The following WDR19 variants were observed in gnomAD, a reference collection of about 807,000 sequenced individuals.
WDR19 encodes WD repeat domain 19.
WDR19 carries 121 observed loss-of-function variants against 180.0 expected under a neutral mutation model. The ratio of observed to expected loss-of-function variants is 0.67; its 90% CI spans 0.58 to 0.78. The LOEUF is 0.78. Ranked by LOEUF, WDR19 falls within the 30% of genes least tolerant of loss-of-function variation. The pLI is 0.00. For synonymous variants in WDR19, 497 were observed against 540.7 expected (o/e 0.92, Z 1.12); for missense variants, 1,450 against 1,640.7 (o/e 0.88, Z 2.01).
At chr4:39,213,575 C>G (rs537787748) in intron 9 of WDR19, among the ~76,000 whole-genome samples, 1 of 152,184 alleles carries the variant, frequency 6.6e-6, no homozygotes, top group Admixed American at 6.5e-5. Flanking sequence ...AGAGATGGAG[C>G]TGGGGTCAGA....
In WDR19 at chr4:39,244,508, C is replaced by G. The variant is rs758936615; in HGVS notation, c.2601C>G (p.Leu867=). ...CGGCCCAACTGTATGAAAAAGGTCT[C>G]TACTACGATAAAGCAGCATCTGTTT... The part of the protein sequence containing the change: ...SEAAQLYEKG[L]YYDKAASVYI... Residue 867 remains leucine, a synonymous_variant, in exon 23 of 37, where the codon CTC becomes CTG. Coordinates refer to ENST00000399820, the MANE Select transcript of WDR19 (RefSeq NM_025132.4). 2 of 1,613,882 alleles carry G rather than the reference C, an allele frequency of 1.2e-6. No homozygotes were observed. Among genetic ancestry groups the G allele is most frequent in the African/African-American group, 2.7e-5 (2 of 74,924 alleles).
chr4:39,249,501 G>A (rs1473395439), intron 24 of WDR19, among the ~76,000 whole-genome samples: 1 of 152,144 alleles, frequency 6.6e-6, no homozygotes, highest in African/African-American at 2.4e-5. Flanking sequence ...GATCAGAGCA[G>A]AACTGAAGGA....
rs1451013634 is a variant in WDR19 at position 39,185,832 on chromosome 4, A to G, written c.98+15A>G. On this transcript the variant is annotated intron_variant, in intron 2 of 36. Coordinates refer to ENST00000399820, the MANE Select transcript of WDR19 (RefSeq NM_025132.4). Reference sequence around the variant, plus strand: ...GCAGTAACAGGGTAAGAAACCAATGAATGTTTTAAGCAGTGGTTGCATGCC... The same window carrying G: ...GCAGTAACAGGGTAAGAAACCAATGGATGTTTTAAGCAGTGGTTGCATGCC... 1.3e-6 allele frequency: 2 copies of G among 1,541,816 alleles called. No individual in the cohort carries two copies. Among genetic ancestry groups the G allele is most frequent in the Non-Finnish European group, 1.8e-6 (2 of 1,138,572 alleles).
At chr4:39,183,250 C>CTTTTTTCTTTTTT (rs1725146656) in intron 1 of WDR19, among the ~76,000 whole-genome samples, 1 of 79,224 alleles carries the variant, frequency 1.3e-5, no homozygotes, top group Non-Finnish European at 2.2e-5. Flanking sequence ...AAATGGAAGG[C>CTTTTTTCTTTTTT]TTTTTTTTTT....
intron 6 of WDR19, among the ~76,000 whole-genome samples, chr4:39,202,721 TC>T (rs1333808407): frequency 2.0e-5 from 3 of 152,124 alleles, no homozygotes; most frequent in African/African-American, 4.8e-5. Context: ...CTTAAAAAAT[TC>T]TTTTCTCATA....
At position 39,195,260 on chromosome 4, in the gene WDR19, G is replaced by A. The variant is rs562463285; in HGVS notation, c.406+601G>A. Among the ~76,000 whole-genome samples the A allele has an allele frequency of 4.6e-5, 7 of 151,904 alleles. No homozygotes were observed. In the East Asian group the frequency reaches 5.8e-4, roughly 13 times the overall value. ...CAGCCGCCTGTAATCCCAGCTACTC[G>A]GGAGGCTGAGGCAGGAGAATCACTT... On this transcript the variant is annotated intron_variant, in intron 5 of 36. Coordinates refer to ENST00000399820, the MANE Select transcript of WDR19 (RefSeq NM_025132.4).
intron 1 of WDR19, among the ~76,000 whole-genome samples, chr4:39,185,389 G>A (rs1253037332): frequency 6.6e-6 from 1 of 152,062 alleles, no homozygotes; most frequent in African/African-American, 2.4e-5. Context: ...ACTGAATTCA[G>A]GCTTCAATTA....
intron 36 of WDR19, among the ~76,000 whole-genome samples, chr4:39,283,092 T>C (rs1374395873): frequency 6.6e-5 from 10 of 152,228 alleles, no homozygotes; most frequent in Non-Finnish European, 1.5e-4. Flanking sequence ...TATTTCACTA[T>C]TGTGATGTAA....
intron 20 of WDR19, among the ~76,000 whole-genome samples, chr4:39,239,362 T>C (rs10026062): frequency 0.98 from 148,371 of 152,016 alleles, 72,502 homozygotes; most frequent in Middle Eastern, 1. Context: ...CAATGTATTC[T>C]TCCACTTCTA....
chr4:39,268,993 G>A (rs1220787353), intron 30 of WDR19, among the ~76,000 whole-genome samples: 12 of 152,150 alleles, frequency 7.9e-5, no homozygotes, highest in Non-Finnish European at 1.5e-4. Flanking sequence ...AGTTTTGAAA[G>A]GATGGGGGAG....
At chr4:39,198,271 A>G (rs1023580013) in intron 5 of WDR19, among the ~76,000 whole-genome samples, 1 of 152,112 alleles carries the variant, frequency 6.6e-6, no homozygotes, top group African/African-American at 2.4e-5. Context: ...CTCTTAAGAC[A>G]TTAACGGCCG....
At chr4:39,246,625 G>C (rs926338862) in intron 24 of WDR19, among the ~76,000 whole-genome samples, 1 of 152,150 alleles carries the variant, frequency 6.6e-6, no homozygotes, top group African/African-American at 2.4e-5. Context: ...GGTGACAGAC[G>C]GCACCCGTAA....
intron 6 of WDR19, among the ~76,000 whole-genome samples, chr4:39,200,444 T>G (rs1387490423): frequency 6.6e-6 from 1 of 152,178 alleles, no homozygotes; most frequent in Non-Finnish European, 1.5e-5. Context: ...CAGTTTCATG[T>G]GAAGGCTCAA....
intron 26 of WDR19, among the ~76,000 whole-genome samples, chr4:39,254,979 G>A (rs552290173): frequency 1.2e-4 from 19 of 152,164 alleles, no homozygotes; most frequent in African/African-American, 4.3e-4. Context: ...AGTCTTCAAG[G>A]AAACAAATTA....
chr4:39,276,898 C>T, intron 33 of WDR19, 122 bp from the exon 34 acceptor site: 1 of 1,252,690 alleles, frequency 8.0e-7, no homozygotes, highest in Non-Finnish European at 1.1e-6. Context: ...CTCTCTAAGC[C>T]CAGAGTCTGA....
intron 26 of WDR19, 61 bp downstream of exon 26, chr4:39,254,091 T>C: frequency 1.3e-6 from 2 of 1,540,436 alleles, no homozygotes; most frequent in Admixed American, 1.8e-5. Context: ...ACTTTGTCTC[T>C]TATGATCTAA....
intron 36 of WDR19, among the ~76,000 whole-genome samples, chr4:39,283,501 A>G (rs1736792895): frequency 6.6e-6 from 1 of 151,032 alleles, no homozygotes. Context: ...CTTGCCTTCT[A>G]TTTGACTAAA....
At chr4:39,187,763 A>G (rs1725722055) in intron 3 of WDR19, among the ~76,000 whole-genome samples, 1 of 152,216 alleles carries the variant, frequency 6.6e-6, no homozygotes, top group Admixed American at 6.5e-5. Flanking sequence ...TCTCTGTGAC[A>G]TCTATTTCTG....
At chr4:39,282,888 A>G (rs1172941582) in intron 36 of WDR19, among the ~76,000 whole-genome samples, 1 of 151,494 alleles carries the variant, frequency 6.6e-6, no homozygotes, top group Non-Finnish European at 1.5e-5. Flanking sequence ...TATGTCTAGT[A>G]GTTGTACTGT....
Sources: allele counts gnomAD v4.1 joint callset (sites outside exome capture counted in the v4.1 genomes callset), GRCh38; gene constraint gnomAD v4.1.1; transcripts MANE v1.5; gene names NCBI Gene and HGNC (gene_info 2026-07-23, HGNC 2026-07-21).